Variants in CPED1 observed in about 807,000 individuals in gnomAD.
The protein encoded by CPED1 is cadherin like and PC-esterase domain containing 1, also known as cadherin-like and PC-esterase domain-containing protein 1.
CPED1 carries 114 observed loss-of-function variants against 128.2 expected under a neutral mutation model. The ratio of observed to expected loss-of-function variants is 0.89; its 90% CI spans 0.76 to 1.04. The LOEUF is 1.04. CPED1 is among the 50% of genes least tolerant of loss of function. The probability of loss-of-function intolerance (pLI) is 0.00; values close to 1 mark genes in which losing one functional copy is unlikely to be tolerated. For missense variants in CPED1, 1,211 were observed against 1,207.1 expected (o/e 1.00, Z -0.05); for synonymous variants, 462 against 426.7 (o/e 1.08, Z -1.02).
At chr7:121,294,806 C>CAAAAAAAAAAAAAAAAAAAAAAAAAAA (rs752742828) in intron 22 of CPED1, among the ~76,000 whole-genome samples, 14 of 61,400 alleles carry the variant, frequency 2.3e-4, no homozygotes, top group South Asian at 1.7e-3. Context: ...GCCTTCTAAG[C>CAAAAAAAAAAAAAAAAAAAAAAAAAAA]AAAAAAAAAA....
intron 22 of CPED1, among the ~76,000 whole-genome samples, chr7:121,276,532 T>C (rs1461180407): frequency 6.6e-6 from 1 of 152,092 alleles, no homozygotes; most frequent in Non-Finnish European, 1.5e-5. Context: ...GGGTCAGTCC[T>C]AAAAACCCAT....
In CPED1 at chr7:121,236,848, A is replaced by C. The variant is rs988213201; in HGVS notation, c.2173+17A>C. Reference sequence around the variant, plus strand: ...ACATGAAAGGTGACTATCACATTGGATATCACTTCTCTAAAAAAAGAATAA... The same window carrying C: ...ACATGAAAGGTGACTATCACATTGGCTATCACTTCTCTAAAAAAAGAATAA... On this transcript the variant is annotated intron_variant, in intron 17 of 22. Transcript: ENST00000310396. The C allele has an allele frequency of 7.7e-7, 1 of 1,294,588 alleles. No individual in the cohort carries two copies. The highest frequency in any genetic ancestry group is 1.9e-4 in the Middle Eastern group (1 of 5,352). 80.2% of individuals were successfully genotyped at this position (1,294,588 alleles called of 1,614,324 possible). A position where few individuals can be genotyped will look rare whatever the true frequency, so the allele number is the denominator to read the frequency against.
intron 3 of CPED1, among the ~76,000 whole-genome samples, chr7:121,042,357 C>T (rs937051549): frequency 6.6e-6 from 1 of 152,148 alleles, no homozygotes; most frequent in Non-Finnish European, 1.5e-5. Context: ...ATTTCTTCCT[C>T]TGAGCTTCCA....
intron 16 of CPED1, among the ~76,000 whole-genome samples, chr7:121,174,531 G>A (rs1796732364): frequency 6.6e-6 from 1 of 151,124 alleles, no homozygotes; most frequent in Non-Finnish European, 1.5e-5. Context: ...TCAGATAGTT[G>A]TAGGTGTGCA....
chr7:121,100,163 C>A, intron 7 of CPED1, 69 bp downstream of exon 7: 1 of 1,352,812 alleles, frequency 7.4e-7, no homozygotes, highest in Non-Finnish European at 1.0e-6. Flanking sequence ...GTTGGGCTGC[C>A]ATTTTCCCAC....
At chr7:121,203,356 G>A (rs574578434) in intron 16 of CPED1, among the ~76,000 whole-genome samples, 49 of 152,026 alleles carry the variant, frequency 3.2e-4, no homozygotes, top group Admixed American at 1.8e-3. Flanking sequence ...CCCTTCTACT[G>A]CCTCCTCCTT....
intron 3 of CPED1, among the ~76,000 whole-genome samples, chr7:121,030,302 T>C (rs755213931): frequency 7.9e-5 from 12 of 152,274 alleles, no homozygotes; most frequent in Non-Finnish European, 1.5e-4. Flanking sequence ...CTAGCCTTTA[T>C]TGAGTACAGT....
At chr7:121,295,114 C>T (rs949767310) in intron 22 of CPED1, among the ~76,000 whole-genome samples, 2 of 149,982 alleles carry the variant, frequency 1.3e-5, no homozygotes, top group South Asian at 2.1e-4. Context: ...CTATGTCAAA[C>T]TGTATGTCAG....
At chr7:121,201,149 G>A (rs944786250) in intron 16 of CPED1, among the ~76,000 whole-genome samples, 3 of 152,090 alleles carry the variant, frequency 2.0e-5, no homozygotes, top group African/African-American at 7.2e-5. Context: ...AAGAACCAGA[G>A]CTTAGGGAAC....
chr7:120,993,355 G>A (rs988841445), intron 2 of CPED1, among the ~76,000 whole-genome samples: 1 of 152,102 alleles, frequency 6.6e-6, no homozygotes, highest in Non-Finnish European at 1.5e-5. Flanking sequence ...ATAGCCATGT[G>A]TTTCTGATTA....
At chr7:120,996,734 C>A (rs998526893) in intron 2 of CPED1, among the ~76,000 whole-genome samples, 3 of 152,172 alleles carry the variant, frequency 2.0e-5, no homozygotes, top group Non-Finnish European at 4.4e-5. Context: ...AAGAGTTCAT[C>A]AGATTCCAAA....
Position 121,189,777 on chromosome 7 carries a change from TATATATATATATATATATATAA to T in CPED1, c.2056-46935_2056-46914del, listed in dbSNP as rs1373222320. Among the ~76,000 whole-genome samples the T allele has an allele frequency of 7.9e-4, 61 of 77,390 alleles. 1 individual carries two copies. Among genetic ancestry groups the T allele is most frequent in the Middle Eastern group, 6.7e-3 (1 of 150 alleles). 50.8% of individuals were successfully genotyped at this position (77,390 alleles called of 152,430 possible). ...ATGAGGTTTTATATATATATATATA[TATATATATATATATATATATAA>T]AATTTGTATTTATTGCCTATTTTAT... On this transcript the variant is annotated intron_variant, in intron 16 of 22. Transcript: ENST00000310396.
intron 3 of CPED1, among the ~76,000 whole-genome samples, chr7:121,024,990 G>A (rs745982934): frequency 2.0e-5 from 3 of 152,118 alleles, no homozygotes; most frequent in Non-Finnish European, 2.9e-5. Flanking sequence ...CTCAATTTGG[G>A]AGGCGTTTGG....
chr7:121,053,088 A>C (rs965724043), intron 4 of CPED1, among the ~76,000 whole-genome samples: 1 of 152,142 alleles, frequency 6.6e-6, no homozygotes, highest in African/African-American at 2.4e-5. Flanking sequence ...GATTTTTCCA[A>C]ATACCTTTCA....
At chr7:121,032,529 G>T (rs891217640) in intron 3 of CPED1, among the ~76,000 whole-genome samples, 2 of 146,062 alleles carry the variant, frequency 1.4e-5, no homozygotes, top group African/African-American at 2.6e-5. Flanking sequence ...CCGCGGGGGG[G>T]GCCTGTCAGG....
intron 3 of CPED1, among the ~76,000 whole-genome samples, chr7:121,023,738 AT>A (rs1792500212): frequency 6.6e-6 from 1 of 152,086 alleles, no homozygotes; most frequent in African/African-American, 2.4e-5. Flanking sequence ...TCTGCTGGTA[AT>A]TTAAGACTTG....
At chr7:121,251,714 A>G (rs967709767) in intron 18 of CPED1, among the ~76,000 whole-genome samples, 1 of 151,532 alleles carries the variant, frequency 6.6e-6, no homozygotes, top group East Asian at 1.9e-4. Flanking sequence ...CCCATTCACA[A>G]TTGCTTCAAA....
chr7:121,172,130 T>C (rs1796660764), intron 16 of CPED1, among the ~76,000 whole-genome samples: 1 of 152,166 alleles, frequency 6.6e-6, no homozygotes, highest in African/African-American at 2.4e-5. Flanking sequence ...TCACATCCCC[T>C]GGTAAGTCCC....
chr7:121,012,664 C>T (rs1792190356), intron 2 of CPED1, among the ~76,000 whole-genome samples: 1 of 152,170 alleles, frequency 6.6e-6, no homozygotes, highest in African/African-American at 2.4e-5. Flanking sequence ...GGTATTGGGC[C>T]ATTCTGCTGA....
Sources: allele counts gnomAD v4.1 joint callset (sites outside exome capture counted in the v4.1 genomes callset), GRCh38; gene constraint gnomAD v4.1.1; transcripts MANE v1.5; gene names NCBI Gene and HGNC (gene_info 2026-07-23, HGNC 2026-07-21).